SCAI: variants seen among roughly 807,000 people sequenced by gnomAD.
SCAI encodes protein SCAI.
In SCAI, 24 loss-of-function variants were observed where a neutral mutation model predicts 92.2. The observed-to-expected ratio is 0.26, with a 90% confidence interval of 0.19 to 0.37. The LOEUF (loss-of-function observed/expected upper bound fraction) is 0.37. Ranked by LOEUF, SCAI falls within the 10% of genes least tolerant of loss-of-function variation. SCAI has a pLI of 1.00. For synonymous variants in SCAI, 261 were observed against 258.6 expected (o/e 1.01, Z -0.09); for missense variants, 450 against 736.2 (o/e 0.61, Z 4.50).
chr9:124,957,131 A>G (rs1831328811), intron 17 of SCAI, among the ~76,000 whole-genome samples: 1 of 151,772 alleles, frequency 6.6e-6, no homozygotes, highest in Admixed American at 6.6e-5. Flanking sequence ...AACTGGGGCT[A>G]TGGGCATGTG....
At chr9:125,087,455 C>G (rs1360127769) in intron 2 of SCAI, among the ~76,000 whole-genome samples, 1 of 152,142 alleles carries the variant, frequency 6.6e-6, no homozygotes, top group Non-Finnish European at 1.5e-5. Flanking sequence ...CCCCAGAGGC[C>G]ATTGCTATAG....
chr9:124,948,952 T>G lies in SCAI; in HGVS notation c.*3855A>C, dbSNP rs1831193760. On this transcript the variant is annotated 3_prime_UTR_variant, in exon 18 of 18. Coordinates refer to ENST00000336505, the MANE Select transcript of SCAI (RefSeq NM_001144877.3). ...GGTATGCATTTTTAAAAAATGAAAT[T>G]CTTTGCCACTATCATCAGCTCAAGC... The G allele has an allele frequency of 1.3e-5, 2 of 152,242 alleles. No individual in the cohort carries two copies. The highest frequency in any genetic ancestry group is 1.3e-4 in the Admixed American group (2 of 15,286). The allele number at this position is 152,242 out of a possible 1,614,324, so 9.4% of individuals were successfully genotyped here. A position where few individuals can be genotyped will look rare whatever the true frequency, so the allele number is the denominator to read the frequency against.
intron 2 of SCAI, among the ~76,000 whole-genome samples, chr9:125,097,852 T>G (rs1344313140): frequency 6.6e-6 from 1 of 151,678 alleles, no homozygotes; most frequent in Non-Finnish European, 1.5e-5. Context: ...CAATGGAAAC[T>G]TCAATATTTC....
At chr9:125,060,980 C>T (rs1169123677) in intron 2 of SCAI, among the ~76,000 whole-genome samples, 1 of 152,196 alleles carries the variant, frequency 6.6e-6, no homozygotes, top group South Asian at 2.1e-4. Context: ...ATTACAGAAA[C>T]CTGTGCCTCA....
At chr9:125,050,280 G>A (rs1017527827) in intron 3 of SCAI, among the ~76,000 whole-genome samples, 1 of 152,116 alleles carries the variant, frequency 6.6e-6, no homozygotes, top group African/African-American at 2.4e-5. Context: ...AGGGGGTGGA[G>A]GTGGGCGCAG....
At chr9:125,143,327 G>A in intron 1 of SCAI, 58 bp downstream of exon 1, 1 of 1,106,638 alleles carries the variant, frequency 9.0e-7, no homozygotes, top group Non-Finnish European at 1.2e-6. Context: ...GCTGCCCCTG[G>A]GCCCGCTCCC....
intron 2 of SCAI, among the ~76,000 whole-genome samples, chr9:125,082,378 G>A (rs1834239062): frequency 6.6e-6 from 1 of 151,774 alleles, no homozygotes; most frequent in South Asian, 2.1e-4. Context: ...GTTTGCTGCA[G>A]GGGCGGGGCC....
rs1831201098 is a variant in SCAI at position 124,949,476 on chromosome 9, T to G, written c.*3331A>C. ...CTGATCATCACTTTTTCTTTTCTTT[T>G]TTTCCAGAGACGAGGTCTTGCTTTG... On this transcript the variant is annotated 3_prime_UTR_variant, in exon 18 of 18. Coordinates refer to ENST00000336505, the MANE Select transcript of SCAI (RefSeq NM_001144877.3). This position sits in a 1 kb window ranked among gnomAD's most constrained non-coding sequence, Gnocchi z 4.0. 1.3e-5 allele frequency: 2 copies of G among 152,278 alleles called. No individual in the cohort carries two copies. The highest frequency in any genetic ancestry group is 4.8e-5 in the African/African-American group (2 of 41,462). The allele number at this position is 152,278 out of a possible 1,614,324, so 9.4% of individuals were successfully genotyped here.
At chr9:124,953,733 G>T (rs769677965) in intron 17 of SCAI, among the ~76,000 whole-genome samples, 1 of 151,530 alleles carries the variant, frequency 6.6e-6, no homozygotes, top group African/African-American at 2.4e-5. Flanking sequence ...TCTTCATTTG[G>T]TAAGTTCTAT....
chr9:125,112,216 G>A (rs551754758), intron 2 of SCAI, among the ~76,000 whole-genome samples: 68 of 152,140 alleles, frequency 4.5e-4, no homozygotes, highest in African/African-American at 1.5e-3. Context: ...ACCTAACAAA[G>A]CTTAAAAGTA....
At chr9:125,103,288 A>T (rs1834715036) in intron 2 of SCAI, among the ~76,000 whole-genome samples, 1 of 152,088 alleles carries the variant, frequency 6.6e-6, no homozygotes, top group Admixed American at 6.5e-5. Context: ...GCATCCACTA[A>T]CACAGGTAGT....
intron 3 of SCAI, among the ~76,000 whole-genome samples, chr9:125,031,222 A>G (rs1001712967): frequency 5.3e-5 from 8 of 152,186 alleles, no homozygotes; most frequent in African/African-American, 1.9e-4. Context: ...TCAAATTATA[A>G]AGAGTCAACT....
chr9:125,012,131 C>CA (rs1465868558), intron 9 of SCAI, among the ~76,000 whole-genome samples: 10 of 152,102 alleles, frequency 6.6e-5, no homozygotes, highest in Non-Finnish European at 1.5e-4. Context: ...AACTAACGAG[C>CA]AAAATAACCA....
intron 2 of SCAI, among the ~76,000 whole-genome samples, chr9:125,081,272 T>C (rs1834211238): frequency 6.6e-6 from 1 of 151,992 alleles, no homozygotes; most frequent in South Asian, 2.1e-4. Flanking sequence ...GACAGGAAAA[T>C]GTGGGAAAGT....
intron 2 of SCAI, among the ~76,000 whole-genome samples, chr9:125,132,300 G>C (rs879626732): frequency 6.6e-6 from 1 of 151,956 alleles, no homozygotes; most frequent in Non-Finnish European, 1.5e-5. Flanking sequence ...TTCTAGTAGA[G>C]AAAGGGTTTC....
chr9:125,119,212 T>C (rs543307844), intron 2 of SCAI, among the ~76,000 whole-genome samples: 14 of 152,312 alleles, frequency 9.2e-5, no homozygotes, highest in East Asian at 7.7e-4. Flanking sequence ...GGTAATATCA[T>C]TGAAGTCTCA....
At chr9:124,963,030 C>G (rs1831471683) in intron 17 of SCAI, among the ~76,000 whole-genome samples, 1 of 151,484 alleles carries the variant, frequency 6.6e-6, no homozygotes, top group African/African-American at 2.4e-5. Context: ...AACTCCTGAC[C>G]TCAGGTGATG....
intron 2 of SCAI, among the ~76,000 whole-genome samples, chr9:125,062,699 G>A (rs1588188959): frequency 6.6e-6 from 1 of 150,858 alleles, no homozygotes; most frequent in South Asian, 2.1e-4. Context: ...GGGTTGCAGT[G>A]AGCCAAAATT....
chr9:125,077,033 A>C (rs1354047224), intron 2 of SCAI, among the ~76,000 whole-genome samples: 2 of 152,082 alleles, frequency 1.3e-5, no homozygotes, highest in Non-Finnish European at 2.9e-5. Context: ...AAAATGAAAA[A>C]ATCAGCCAGG....
Sources: gnomAD v4.1 joint callset for allele counts (sites outside exome capture counted in the v4.1 genomes callset) on GRCh38, gnomAD v4.1.1 for gene constraint, Gnocchi (gnomAD v3.1) non-coding constraint, MANE v1.5 for transcripts, NCBI Gene and HGNC (gene_info 2026-07-23, HGNC 2026-07-21) for gene names.